Variants in MGMT observed in about 807,000 individuals in gnomAD.
MGMT encodes the protein methylated-DNA--protein-cysteine methyltransferase.
In MGMT, 14 loss-of-function variants were observed where a neutral mutation model predicts 15.9. That is an observed-to-expected ratio of 0.88 (90% CI 0.58 to 1.37). MGMT has a LOEUF of 1.37. Among genes scored for constraint, MGMT ranks in the 40% most tolerant of loss-of-function variants. The pLI, the probability that MGMT is intolerant of heterozygous loss-of-function variation, is 0.00. For synonymous variants in MGMT, 130 were observed against 118.2 expected, an observed-to-expected ratio of 1.10 and a Z score of -0.65; for missense variants, 282 against 268.1, an observed-to-expected ratio of 1.05 and a Z score of -0.36.
chr10:129,678,456 A>G (rs1253223365), intron 2 of MGMT, among the ~76,000 whole-genome samples: 1 of 152,112 alleles, frequency 6.6e-6, no homozygotes, highest in East Asian at 1.9e-4. Flanking sequence ...CATTTTGCCA[A>G]GCTTGTGTAG....
chr10:129,615,544 A>G (rs1847015107), intron 2 of MGMT, among the ~76,000 whole-genome samples: 1 of 152,148 alleles, frequency 6.6e-6, no homozygotes, highest in South Asian at 2.1e-4. Flanking sequence ...ATCTGCTTCA[A>G]CCAAGCATAT....
rs763354641 is a variant in MGMT, at chr10:129,759,270, C to A, written c.343C>A (p.Gln115Lys). Residue 115 changes from glutamine to lysine, a missense_variant, in exon 4 of 5, where the codon CAG becomes AAG. By Grantham distance (53) the Gln-to-Lys change is moderately conservative (BLOSUM62 1). Transcript: ENST00000651593. The part of the protein sequence containing the change: ...VVKFGEVISY[Q>K]QLAALAGNPK... ...GAAATTCGGAGAAGTGATTTCTTAC[C>A]AGCAATTAGCAGCCCTGGCAGGCAA... 2 of 1,614,158 alleles carry A rather than the reference C, an allele frequency of 1.2e-6. No homozygotes were observed. Among genetic ancestry groups the A allele is most frequent in the Non-Finnish European group, 1.7e-6 (2 of 1,180,028 alleles).
chr10:129,560,984 T>TGCGC (rs1210656884), intron 2 of MGMT, among the ~76,000 whole-genome samples: 2 of 148,882 alleles, frequency 1.3e-5, no homozygotes, highest in African/African-American at 2.5e-5. Context: ...TGTGTGTGTG[T>TGCGC]GTGTGTGTGT....
At chr10:129,588,215 T>C (rs1846639924) in intron 2 of MGMT, among the ~76,000 whole-genome samples, 1 of 152,154 alleles carries the variant, frequency 6.6e-6, no homozygotes, top group Non-Finnish European at 1.5e-5. Context: ...TGAAAGAGAC[T>C]CGCAGCCTCA....
intron 2 of MGMT, among the ~76,000 whole-genome samples, chr10:129,636,652 G>A (rs1248951554): frequency 6.6e-6 from 1 of 152,134 alleles, no homozygotes; most frequent in African/African-American, 2.4e-5. Context: ...GATTTCCTGT[G>A]AACTCTATAG....
chr10:129,714,118 C>T (rs1044914245), intron 3 of MGMT, among the ~76,000 whole-genome samples: 9 of 152,236 alleles, frequency 5.9e-5, no homozygotes, highest in Admixed American at 5.9e-4. Flanking sequence ...CCCGCAGAGC[C>T]CCTAGGCGCC....
intron 3 of MGMT, among the ~76,000 whole-genome samples, chr10:129,709,227 G>T (rs1396486383): frequency 6.6e-6 from 1 of 152,190 alleles, no homozygotes; most frequent in African/African-American, 2.4e-5. Context: ...CATCATCTCT[G>T]CCCACCAATG....
intron 1 of MGMT, among the ~76,000 whole-genome samples, chr10:129,484,492 ATG>A (rs1348002235): frequency 6.6e-6 from 1 of 152,082 alleles, no homozygotes; most frequent in Non-Finnish European, 1.5e-5. Context: ...CTCATGTCAT[ATG>A]TGGGTTCTCC....
At chr10:129,494,585 TG>T (rs1845502187) in intron 1 of MGMT, among the ~76,000 whole-genome samples, 1 of 152,222 alleles carries the variant, frequency 6.6e-6, no homozygotes, top group African/African-American at 2.4e-5. Context: ...CTGCCCAATG[TG>T]GTAGCCACTA....
At chr10:129,599,573 T>C (rs527405931) in intron 2 of MGMT, among the ~76,000 whole-genome samples, 5 of 152,312 alleles carry the variant, frequency 3.3e-5, no homozygotes, top group South Asian at 4.1e-4. Context: ...ATACAAAGCA[T>C]TTCCAACCAT....
chr10:129,554,483 C>T (rs1382647932), intron 2 of MGMT, among the ~76,000 whole-genome samples: 3 of 152,060 alleles, frequency 2.0e-5, no homozygotes, highest in Admixed American at 6.5e-5. Flanking sequence ...CGTGGTTGTA[C>T]GTGGTGGTAT....
chr10:129,484,074 G>A (rs1003417783), intron 1 of MGMT, among the ~76,000 whole-genome samples: 3 of 152,214 alleles, frequency 2.0e-5, no homozygotes, highest in Non-Finnish European at 2.9e-5. Context: ...AAGGTCAGGT[G>A]TGGAATTTTC....
At chr10:129,730,773 C>G (rs1041168706) in intron 3 of MGMT, among the ~76,000 whole-genome samples, 3 of 152,136 alleles carry the variant, frequency 2.0e-5, no homozygotes, top group African/African-American at 7.2e-5. Context: ...AGCACCTATT[C>G]AGAAGTCAGT....
intron 2 of MGMT, among the ~76,000 whole-genome samples, chr10:129,643,945 A>G (rs1847357211): frequency 6.6e-6 from 1 of 151,970 alleles, no homozygotes; most frequent in South Asian, 2.1e-4. Flanking sequence ...TGTTCTTTCC[A>G]TCGGCATTTT....
At chr10:129,734,748 T>G (rs1848541066) in intron 3 of MGMT, among the ~76,000 whole-genome samples, 1 of 152,190 alleles carries the variant, frequency 6.6e-6, no homozygotes, top group South Asian at 2.1e-4. Flanking sequence ...AATACCTAAT[T>G]TATTGAGAGT....
chr10:129,638,446 G>GAAA (rs1157292152), intron 2 of MGMT, among the ~76,000 whole-genome samples: 2 of 96,312 alleles, frequency 2.1e-5, no homozygotes, highest in Non-Finnish European at 4.1e-5. Context: ...AAAAAAAAAA[G>GAAA]AAAAAAAAAA....
intron 3 of MGMT, among the ~76,000 whole-genome samples, chr10:129,715,011 G>A (rs547033846): frequency 1.6e-4 from 25 of 152,298 alleles, no homozygotes; most frequent in Non-Finnish European, 2.4e-4. Context: ...CTGAGGTTCC[G>A]TGAGTCGGGG....
intron 2 of MGMT, among the ~76,000 whole-genome samples, chr10:129,650,618 G>C (rs990025233): frequency 6.6e-6 from 1 of 152,204 alleles, no homozygotes; most frequent in South Asian, 2.1e-4. Context: ...GTTGGAAGTG[G>C]AACACTGCAG....
At chr10:129,706,762 C>T (rs1213147882) in intron 2 of MGMT, among the ~76,000 whole-genome samples, 1 of 152,192 alleles carries the variant, frequency 6.6e-6, no homozygotes, top group African/African-American at 2.4e-5. Context: ...GGAGACCTCC[C>T]CTTCAGGGCC....
Sources: allele counts gnomAD v4.1 joint callset (sites outside exome capture counted in the v4.1 genomes callset), GRCh38; gene constraint gnomAD v4.1.1; transcripts MANE v1.5; gene names NCBI Gene and HGNC (gene_info 2026-07-23, HGNC 2026-07-21).